TLK1: variants seen among roughly 807,000 people sequenced by gnomAD.
The protein encoded by TLK1 is serine/threonine-protein kinase tousled-like 1.
TLK1 carries 24 observed loss-of-function variants against 105.3 expected under a neutral mutation model. The observed-to-expected ratio is 0.23, with a 90% CI of 0.17 to 0.32. The LOEUF (loss-of-function observed/expected upper bound fraction) is 0.32. Among genes scored for constraint, TLK1 ranks in the 10% least tolerant of loss-of-function variants. The probability of loss-of-function intolerance (pLI) is 1.00; values close to 1 mark genes in which losing one functional copy is unlikely to be tolerated. For synonymous variants in TLK1, 321 were observed against 310.4 expected (o/e 1.03, Z -0.36); for missense variants, 558 against 910.5 (o/e 0.61, Z 4.98).
rs556445097 is a variant in TLK1 at position 171,055,486 on chromosome 2, T to C, written c.550-314A>G. Among the ~76,000 whole-genome samples the C allele has an allele frequency of 4.6e-5, 7 of 151,700 alleles. No homozygotes were observed. In the South Asian group the frequency reaches 1.5e-3, roughly 31 times the overall value. On this transcript the variant is annotated intron_variant, in intron 6 of 20. Coordinates refer to ENST00000431350, the MANE Select transcript of TLK1 (RefSeq NM_012290.5). ...CAGTTAAAAAAAAAATAAGGCCAAA[T>C]AAATTATTCTGAAAAATATTAAACA...
intron 1 of TLK1, among the ~76,000 whole-genome samples, chr2:171,180,624 T>C (rs1041343278): frequency 1.3e-5 from 2 of 152,158 alleles, no homozygotes; most frequent in African/African-American, 2.4e-5. Flanking sequence ...CTGAAGTAGT[T>C]TGTATTTGCT....
At chr2:171,200,606 C>T (rs888167211) in intron 1 of TLK1, among the ~76,000 whole-genome samples, 1 of 152,076 alleles carries the variant, frequency 6.6e-6, no homozygotes, top group East Asian at 1.9e-4. Flanking sequence ...ACCATTTGCT[C>T]ATGAGAAGGA....
intron 2 of TLK1, among the ~76,000 whole-genome samples, chr2:171,116,348 C>T (rs1380587470): frequency 1.3e-5 from 2 of 152,096 alleles, no homozygotes; most frequent in Non-Finnish European, 2.9e-5. Context: ...AATATAAAAA[C>T]AGACAAAGAA....
intron 1 of TLK1, among the ~76,000 whole-genome samples, chr2:171,173,327 A>T (rs1692763027): frequency 6.6e-6 from 1 of 152,228 alleles, no homozygotes; most frequent in African/African-American, 2.4e-5. Context: ...TGTGACTCAT[A>T]CGGATCACAT....
chr2:171,069,625 T>C (rs544511745), intron 3 of TLK1, among the ~76,000 whole-genome samples: 29 of 152,030 alleles, frequency 1.9e-4, no homozygotes, highest in Non-Finnish European at 3.8e-4. Flanking sequence ...ATGTTAAGGG[T>C]GAGAAACCTT....
At position 171,168,144 on chromosome 2, in the gene TLK1, G is replaced by A. The variant is rs1295600720; in HGVS notation, c.-5-50287C>T. On this transcript the variant is annotated intron_variant, in intron 1 of 20. Coordinates refer to the TLK1 transcript ENST00000521943. ...GCAAAAGAAATGGAAGTTTCTTTTC[G>A]TAAAAAATATCAAATATCTTTGATC... Among the ~76,000 whole-genome samples, 5 of 151,820 alleles carry A rather than the reference G, an allele frequency of 3.3e-5. No individual in the cohort carries two copies. In the South Asian group the frequency reaches 6.2e-4, roughly 19 times the overall value.
rs146366563 is a variant in TLK1, at chr2:171,185,086, G to A, written c.-6+46059C>T. On this transcript the variant is annotated intron_variant, in intron 1 of 20. Transcript: ENST00000521943. ...GATCTCCTGACCTCATGATCTGCCC[G>A]CCTTGGCCTCCCAAAGTGCTGGGAT... 5.2e-3 allele frequency among the ~76,000 whole-genome samples: 798 copies of A among 152,154 alleles called. 11 individuals carry two copies. The highest frequency in any genetic ancestry group is 0.018 in the African/African-American group (761 of 41,526).
chr2:171,159,320 C>A lies in TLK1; in HGVS notation c.139+970G>T, dbSNP rs572406892. On this transcript the variant is annotated intron_variant, in intron 1 of 20. Transcript: ENST00000431350. ...AAAGAGCGTTAAAAGACATTCCATG[C>A]ACATTTATTCATTCCCCATAAATGT... Among the ~76,000 whole-genome samples, 4 of 152,314 alleles carry A rather than the reference C, an allele frequency of 2.6e-5. No homozygotes were observed. In the South Asian group the frequency reaches 8.3e-4, roughly 32 times the overall value.
At chr2:171,069,079 T>A (rs1233885296) in intron 3 of TLK1, among the ~76,000 whole-genome samples, 2 of 152,328 alleles carry the variant, frequency 1.3e-5, no homozygotes, top group Middle Eastern at 3.4e-3. Context: ...CTCAGGTATA[T>A]CTTAGATTGG....
intron 1 of TLK1, among the ~76,000 whole-genome samples, chr2:171,183,727 T>C (rs764692456): frequency 9.9e-5 from 15 of 152,228 alleles, no homozygotes; most frequent in Non-Finnish European, 1.8e-4. Flanking sequence ...TTTCTTATCC[T>C]ATCCAGGAAA....
At chr2:171,030,767 T>C (rs1686003159) in intron 11 of TLK1, among the ~76,000 whole-genome samples, 2 of 152,154 alleles carry the variant, frequency 1.3e-5, no homozygotes, top group African/African-American at 4.8e-5. Flanking sequence ...TATATAGAAA[T>C]TCTGTACTTT....
chr2:170,995,708 CTTT>C (rs1199215175), intron 20 of TLK1, among the ~76,000 whole-genome samples: 1 of 152,112 alleles, frequency 6.6e-6, no homozygotes, highest in Non-Finnish European at 1.5e-5. Context: ...ATATTTATCT[CTTT>C]TGTTTTTTTG....
chr2:171,212,557 T>C (rs951772870), intron 1 of TLK1, among the ~76,000 whole-genome samples: 2 of 152,202 alleles, frequency 1.3e-5, no homozygotes, highest in South Asian at 2.1e-4. Context: ...AACCAGGAGA[T>C]AGAAGACTTC....
At chr2:171,002,015 G>T (rs1684401447) in intron 18 of TLK1, among the ~76,000 whole-genome samples, 1 of 152,094 alleles carries the variant, frequency 6.6e-6, no homozygotes, top group Admixed American at 6.5e-5. Context: ...TTGACCTCAT[G>T]ATCCGCCCGC....
intron 12 of TLK1, among the ~76,000 whole-genome samples, chr2:171,025,474 C>G (rs1011432614): frequency 6.6e-6 from 1 of 152,142 alleles, no homozygotes; most frequent in African/African-American, 2.4e-5. Context: ...AAGAGAGTCA[C>G]CCATGCTAAT....
At chr2:171,166,110 C>G (rs1692604859) in intron 1 of TLK1, among the ~76,000 whole-genome samples, 1 of 152,200 alleles carries the variant, frequency 6.6e-6, no homozygotes, top group South Asian at 2.1e-4. Context: ...CCTAGGTCAG[C>G]AAAAGCTACA....
At chr2:171,231,038 G>C (rs750983619) in intron 1 of TLK1, 5 of 152,130 alleles carry the variant, frequency 3.3e-5, no homozygotes, top group Admixed American at 6.5e-5. Flanking sequence ...AACCTCCCAG[G>C]TTTGACATAT....
intron 1 of TLK1, among the ~76,000 whole-genome samples, chr2:171,206,874 G>A (rs1693517685): frequency 6.6e-6 from 1 of 152,170 alleles, no homozygotes; most frequent in South Asian, 2.1e-4. Context: ...CTATGAGAAT[G>A]GGCAAAATTC....
chr2:171,119,119 T>C (rs1182791025), intron 1 of TLK1, among the ~76,000 whole-genome samples: 1 of 152,204 alleles, frequency 6.6e-6, no homozygotes, highest in African/African-American at 2.4e-5. Flanking sequence ...CCTTGTCTCC[T>C]TCTGCCCTCA....
Sources: gnomAD v4.1 joint callset for allele counts (sites outside exome capture counted in the v4.1 genomes callset) on GRCh38, gnomAD v4.1.1 for gene constraint, MANE v1.5 for transcripts, NCBI Gene and HGNC (gene_info 2026-07-23, HGNC 2026-07-21) for gene names.